Variants in GADL1 observed in about 807,000 individuals in gnomAD.
The protein encoded by GADL1 is acidic amino acid decarboxylase GADL1.
Under a neutral mutation model 69.5 loss-of-function variants are expected in GADL1, and 71 were observed. The ratio of observed to expected loss-of-function variants is 1.02; its 90% CI spans 0.84 to 1.25. The LOEUF (loss-of-function observed/expected upper bound fraction) is 1.25, where lower values mean the gene tolerates loss of function less well. Among genes scored for constraint, GADL1 ranks in the 50% most tolerant of loss-of-function variants. GADL1 has a pLI of 0.00. For synonymous variants in GADL1, 254 were observed against 214.4 expected, an observed-to-expected ratio of 1.18 and a Z score of -1.62; for missense variants, 737 against 631.8, an observed-to-expected ratio of 1.17 and a Z score of -1.79.
rs909056689 is a variant in GADL1, at chr3:30,871,363, G to C, written c.38-9598C>G. Among the ~76,000 whole-genome samples the C allele has an allele frequency of 2.6e-5, 4 of 151,652 alleles. No homozygotes were observed. The East Asian group carries it at 7.8e-4, about 30-fold the overall frequency. ...TGGCAATAATCCAGGCCAGGGAGAGGGAGGAAATGAACTAAATAGTAGACA... is the reference window on the plus strand; with the variant it reads ...TGGCAATAATCCAGGCCAGGGAGAGCGAGGAAATGAACTAAATAGTAGACA... On this transcript the variant is annotated intron_variant, in intron 1 of 14. Coordinates refer to ENST00000282538, the MANE Select transcript of GADL1 (RefSeq NM_207359.3).
intron 1 of GADL1, among the ~76,000 whole-genome samples, chr3:30,880,259 A>G (rs1035678709): frequency 7.2e-5 from 11 of 151,876 alleles, no homozygotes; most frequent in Admixed American, 1.3e-4. Context: ...AGTAATCTAG[A>G]GATGATTTAC....
At chr3:30,761,176 G>C (rs940806333) in intron 14 of GADL1, among the ~76,000 whole-genome samples, 1 of 152,146 alleles carries the variant, frequency 6.6e-6, no homozygotes, top group African/African-American at 2.4e-5. Context: ...TAAAATTCCA[G>C]CTTTCCTCTA....
chr3:30,843,615 G>T (rs1219499387), intron 8 of GADL1, among the ~76,000 whole-genome samples: 1 of 152,192 alleles, frequency 6.6e-6, no homozygotes, highest in East Asian at 1.9e-4. Context: ...AGCACAGCAG[G>T]TGCCCAGAGC....
chr3:30,798,131 A>T (rs948735635), intron 12 of GADL1: 3 of 152,200 alleles, frequency 2.0e-5, no homozygotes, highest in African/African-American at 7.2e-5. Context: ...CAACTCACAG[A>T]TCATTTGCTT....
chr3:30,796,447 G>C (rs1474688166), intron 12 of GADL1, among the ~76,000 whole-genome samples: 1 of 152,162 alleles, frequency 6.6e-6, no homozygotes, highest in Non-Finnish European at 1.5e-5. Flanking sequence ...TGCCGAGAGA[G>C]AGCAGGTGAA....
At chr3:30,858,126 T>A (rs1698257554) in intron 2 of GADL1, among the ~76,000 whole-genome samples, 1 of 152,002 alleles carries the variant, frequency 6.6e-6, no homozygotes, top group African/African-American at 2.4e-5. Context: ...GTATCCTACA[T>A]AATCTCCATA....
chr3:30,824,270 G>A (rs1039931483), intron 11 of GADL1, among the ~76,000 whole-genome samples: 2 of 147,870 alleles, frequency 1.4e-5, no homozygotes, highest in Middle Eastern at 3.4e-3. Flanking sequence ...ACAACAAAAG[G>A]CAAAAAGAGA....
In GADL1 at chr3:30,792,428, C is replaced by G. The variant is rs142781615; in HGVS notation, c.1251-6022G>C. Among the ~76,000 whole-genome samples the G allele has an allele frequency of 5.0e-3, 757 of 152,116 alleles. 9 individuals carry two copies. Among genetic ancestry groups the G allele is most frequent in the African/African-American group, 0.018 (729 of 41,494 alleles). On this transcript the variant is annotated intron_variant, in intron 12 of 14. Transcript: ENST00000282538. ...TCTCTACAAAGAATACAAAAATTAG[C>G]CGGGTGTAGAAGTGTACATCCGTGG...
intron 11 of GADL1, among the ~76,000 whole-genome samples, chr3:30,810,488 A>T (rs1697329570): frequency 6.6e-6 from 1 of 152,244 alleles, no homozygotes; most frequent in Non-Finnish European, 1.5e-5. Context: ...TGCTCTTAAA[A>T]ATTCTTAAGT....
chr3:30,800,004 G>A (rs1697128554), intron 12 of GADL1: 1 of 152,306 alleles, frequency 6.6e-6, no homozygotes, highest in Admixed American at 6.5e-5. Context: ...TCTCTAGGAA[G>A]TTCTGAATTT....
chr3:30,833,055 C>T (rs1419229999), intron 11 of GADL1, among the ~76,000 whole-genome samples: 1 of 151,944 alleles, frequency 6.6e-6, no homozygotes, highest in African/African-American at 2.4e-5. Flanking sequence ...TCCTTAAAAA[C>T]AGAAAATGAC....
intron 2 of GADL1, among the ~76,000 whole-genome samples, chr3:30,858,193 A>G (rs954854873): frequency 6.6e-6 from 1 of 152,078 alleles, no homozygotes; most frequent in African/African-American, 2.4e-5. Context: ...GAGTCTGCAC[A>G]TAATAGTGCT....
In GADL1 at chr3:30,857,200, G is replaced by A. The variant is rs186112869; in HGVS notation, c.211-59C>T. 1.6e-4 allele frequency: 238 copies of A among 1,450,554 alleles called. No homozygotes were observed. In the East Asian group the frequency reaches 4.8e-3, roughly 29 times the overall value. 89.9% of individuals were successfully genotyped at this position (1,450,554 alleles called of 1,614,324 possible). A position where few individuals can be genotyped will look rare whatever the true frequency, so the allele number is the denominator to read the frequency against. On this transcript the variant is annotated intron_variant, in intron 2 of 14. Coordinates refer to ENST00000282538, the MANE Select transcript of GADL1 (RefSeq NM_207359.3). ...CACCATAGCCAGGTATTGAGAGGAT[G>A]TTACAAACGTGGACTCTACCATTAC...
At chr3:30,787,250 T>C (rs1419365564) in intron 12 of GADL1, among the ~76,000 whole-genome samples, 3 of 152,274 alleles carry the variant, frequency 2.0e-5, no homozygotes, top group African/African-American at 7.2e-5. Flanking sequence ...GCCATTGATA[T>C]AATATCTATA....
intron 14 of GADL1, among the ~76,000 whole-genome samples, chr3:30,769,854 T>C (rs1352388894): frequency 1.1e-5 from 1 of 92,286 alleles, no homozygotes; most frequent in Non-Finnish European, 2.1e-5. Flanking sequence ...ACTGCTGCCA[T>C]GGAGGAGCAA....
At chr3:30,883,654 G>C (rs1292111627) in intron 1 of GADL1, among the ~76,000 whole-genome samples, 1 of 151,818 alleles carries the variant, frequency 6.6e-6, no homozygotes, top group African/African-American at 2.4e-5. Context: ...TGAATTTAAG[G>C]ATAAATTTTT....
chr3:30,883,431 A>G (rs1698667931), intron 1 of GADL1, among the ~76,000 whole-genome samples: 1 of 151,966 alleles, frequency 6.6e-6, no homozygotes. Context: ...GTGGTCTTCT[A>G]GCCTTTATCA....
At chr3:30,829,936 AAC>A (rs1394691324) in intron 11 of GADL1, among the ~76,000 whole-genome samples, 3 of 151,924 alleles carry the variant, frequency 2.0e-5, no homozygotes, top group African/African-American at 7.2e-5. Context: ...GAGTCTGAGA[AAC>A]AACACTGGGG....
intron 11 of GADL1, among the ~76,000 whole-genome samples, chr3:30,808,139 A>AGGAGG (rs1293167579): frequency 2.0e-5 from 3 of 152,110 alleles, no homozygotes; most frequent in African/African-American, 7.2e-5. Flanking sequence ...AAGAAAAAGG[A>AGGAGG]GGAGGGGAGG....
Sources: gnomAD v4.1 joint callset for allele counts (sites outside exome capture counted in the v4.1 genomes callset) on GRCh38, gnomAD v4.1.1 for gene constraint, MANE v1.5 for transcripts, NCBI Gene and HGNC (gene_info 2026-07-23, HGNC 2026-07-21) for gene names.